Variants in NDST4 observed in about 807,000 individuals in gnomAD.
NDST4 encodes N-deacetylase and N-sulfotransferase 4.
In NDST4, 63 loss-of-function variants were observed where a neutral mutation model predicts 100.8. The observed-to-expected ratio is 0.62, with a 90% CI of 0.51 to 0.77. The LOEUF is 0.77. Ranked by LOEUF, NDST4 falls within the 30% of genes least tolerant of loss-of-function variation. The pLI, the probability that NDST4 is intolerant of heterozygous loss-of-function variation, is 0.00. For missense variants in NDST4, 943 were observed against 1,018.4 expected, an observed-to-expected ratio of 0.93 and a Z score of 1.01; for synonymous variants, 377 against 361.8, an observed-to-expected ratio of 1.04 and a Z score of -0.48.
At chr4:115,093,247 G>A (rs55962308) in intron 1 of NDST4, among the ~76,000 whole-genome samples, 5,551 of 152,176 alleles carry the variant, frequency 0.036, 342 homozygotes, top group African/African-American at 0.12. Flanking sequence ...AGGCCAAGGT[G>A]GGCAGATCAT....
At position 115,065,162 on chromosome 4, in the gene NDST4, C is replaced by T. The variant is rs187518682; in HGVS notation, c.978+10897G>A. On this transcript the variant is annotated intron_variant, in intron 2 of 13. Transcript: ENST00000264363. ...CGAGGACTTTCCTGATTTTCCCTTT[C>T]TATCCTGTTTACCACCAAGATGGGC... Among the ~76,000 whole-genome samples, 18 of 152,180 alleles carry T rather than the reference C, an allele frequency of 1.2e-4. No individual in the cohort carries two copies. The East Asian group carries it at 3.5e-3, about 29-fold the overall frequency.
At position 115,077,010 on chromosome 4, in the gene NDST4, T is replaced by C; in HGVS notation, c.27A>G (p.Arg9=). 1 of 1,600,660 alleles carries C rather than the reference T, an allele frequency of 6.2e-7. No homozygotes were observed. The highest frequency in any genetic ancestry group is 8.5e-7 in the Non-Finnish European group (1 of 1,175,836). Residue 9 remains arginine, a synonymous_variant, in exon 2 of 14, where the codon AGA becomes AGG. Coordinates refer to ENST00000264363, the MANE Select transcript of NDST4 (RefSeq NM_022569.3). MNLIVKLR[R]SFRTLIVLLA... ...AGAGAACAATCAATGTTCGAAAACT[T>C]CTCCGAAGTTTCACAATAAGATTCA...
intron 2 of NDST4, among the ~76,000 whole-genome samples, chr4:114,990,139 A>G (rs1397056448): frequency 6.6e-6 from 1 of 152,054 alleles, no homozygotes; most frequent in Non-Finnish European, 1.5e-5. Context: ...AAGCAAAATA[A>G]CTATCCTAAT....
intron 4 of NDST4, among the ~76,000 whole-genome samples, chr4:114,957,505 G>T (rs1726165989): frequency 6.6e-6 from 1 of 152,128 alleles, no homozygotes; most frequent in Non-Finnish European, 1.5e-5. Flanking sequence ...ATGAGATTTT[G>T]GTGGTGACAC....
At chr4:115,045,541 C>T (rs1728447229) in intron 2 of NDST4, among the ~76,000 whole-genome samples, 1 of 152,106 alleles carries the variant, frequency 6.6e-6, no homozygotes, top group Non-Finnish European at 1.5e-5. Flanking sequence ...CATGGACTCT[C>T]TCTCACAAGG....
chr4:114,862,725 G>T (rs1316868812), intron 7 of NDST4, among the ~76,000 whole-genome samples: 1 of 152,096 alleles, frequency 6.6e-6, no homozygotes, highest in Non-Finnish European at 1.5e-5. Context: ...GAAAAGAGTT[G>T]TCGTTGTCTC....
intron 1 of NDST4, among the ~76,000 whole-genome samples, chr4:115,084,335 A>G (rs1729365795): frequency 6.6e-6 from 1 of 152,208 alleles, no homozygotes; most frequent in East Asian, 1.9e-4. Flanking sequence ...AAGCATGAAA[A>G]TTTGGAAAAT....
intron 2 of NDST4, among the ~76,000 whole-genome samples, chr4:115,024,451 C>T (rs940929755): frequency 2.2e-4 from 34 of 152,152 alleles, no homozygotes; most frequent in African/African-American, 8.2e-4. Context: ...TTTTTTTTCC[C>T]TGTTGGGTTT....
At chr4:115,110,318 G>T (rs1476839554) in intron 1 of NDST4, among the ~76,000 whole-genome samples, 1 of 151,956 alleles carries the variant, frequency 6.6e-6, no homozygotes, top group African/African-American at 2.4e-5. Flanking sequence ...TTAAAGAAAA[G>T]GCTGGCTAGA....
chr4:115,038,268 T>A (rs1195356046), intron 2 of NDST4, among the ~76,000 whole-genome samples: 1 of 152,222 alleles, frequency 6.6e-6, no homozygotes, highest in African/African-American at 2.4e-5. Flanking sequence ...CTTAGTTTTT[T>A]AAATATAGTT....
intron 12 of NDST4, among the ~76,000 whole-genome samples, chr4:114,831,245 G>C (rs1189011077): frequency 6.6e-5 from 10 of 150,504 alleles, no homozygotes; most frequent in Admixed American, 5.3e-4. Flanking sequence ...GTAGAGACGG[G>C]GTTTCACCTT....
At chr4:114,844,872 G>C (rs969058444) in intron 10 of NDST4, among the ~76,000 whole-genome samples, 2 of 152,084 alleles carry the variant, frequency 1.3e-5, no homozygotes, top group African/African-American at 4.8e-5. Flanking sequence ...AATTACAGAA[G>C]GGGAATCACA....
chr4:115,042,849 T>C (rs745404446), intron 2 of NDST4, among the ~76,000 whole-genome samples: 13 of 152,218 alleles, frequency 8.5e-5, no homozygotes, highest in Non-Finnish European at 1.9e-4. Context: ...TTGAGTGTCT[T>C]GGTAATTTAT....
chr4:114,869,783 T>A lies in NDST4; in HGVS notation c.1719+985A>T, dbSNP rs553831674. Among the ~76,000 whole-genome samples the A allele has an allele frequency of 3.0e-4, 46 of 152,212 alleles. 1 individual carries two copies. In the South Asian group the frequency reaches 8.9e-3, roughly 29 times the overall value. On this transcript the variant is annotated intron_variant, in intron 7 of 13. Transcript: ENST00000264363. Reference sequence around the variant, plus strand: ...TCTCTCCACTGGCTTTGAGAAAAAATTTATTTTGTTCTTTGCATGCCCTAG... The same window carrying A: ...TCTCTCCACTGGCTTTGAGAAAAAAATTATTTTGTTCTTTGCATGCCCTAG...
chr4:115,077,714 C>T (rs946100679), intron 1 of NDST4, among the ~76,000 whole-genome samples: 2 of 152,256 alleles, frequency 1.3e-5, no homozygotes, highest in East Asian at 1.9e-4. Flanking sequence ...TAGGTATCTG[C>T]CTGAGTCTCT....
At chr4:114,887,931 T>C (rs929463747) in intron 6 of NDST4, among the ~76,000 whole-genome samples, 11 of 152,190 alleles carry the variant, frequency 7.2e-5, no homozygotes, top group Non-Finnish European at 1.0e-4. Context: ...ATAGGCCTTA[T>C]AATTTTTGCA....
chr4:114,956,373 G>A (rs560237638), intron 4 of NDST4, among the ~76,000 whole-genome samples: 26 of 152,166 alleles, frequency 1.7e-4, no homozygotes, highest in African/African-American at 6.3e-4. Flanking sequence ...TTCAGCCTAA[G>A]CTCACTCTCA....
intron 7 of NDST4, among the ~76,000 whole-genome samples, chr4:114,858,657 T>C (rs1208131898): frequency 6.6e-6 from 1 of 152,212 alleles, no homozygotes; most frequent in Admixed American, 6.5e-5. Flanking sequence ...ACTGTACCCT[T>C]TGTCCAAAGA....
chr4:115,017,343 T>C (rs1230813713), intron 2 of NDST4, among the ~76,000 whole-genome samples: 1 of 152,088 alleles, frequency 6.6e-6, no homozygotes, highest in African/African-American at 2.4e-5. Context: ...TTCATAGAAA[T>C]TTTTATTCAA....
Sources: allele counts gnomAD v4.1 joint callset (sites outside exome capture counted in the v4.1 genomes callset), GRCh38; gene constraint gnomAD v4.1.1; transcripts MANE v1.5; gene names NCBI Gene and HGNC (gene_info 2026-07-23, HGNC 2026-07-21).